TDRD15: variants seen among roughly 807,000 people sequenced by gnomAD.
The protein encoded by TDRD15 is tudor domain-containing protein 15.
For synonymous variants in TDRD15, 503 were observed against 314.5 expected (o/e 1.60, Z -6.34); for missense variants, 1,416 against 904.7 (o/e 1.57, Z -7.25).
In TDRD15 at chr2:21,142,866, T is replaced by C. The variant is rs1665963764; in HGVS notation, c.5399T>C (p.Val1800Ala). 1.4e-6 allele frequency: 1 copy of C among 709,228 alleles called. No homozygotes were observed. The highest frequency in any genetic ancestry group is 1.5e-5 in the South Asian group (1 of 65,908). 43.9% of individuals were successfully genotyped at this position (709,228 alleles called of 1,614,324 possible). Residue 1800 changes from valine (V) to alanine (A), a missense_variant, in exon 4 of 4, where the codon GTA (valine) becomes GCA (alanine). Transcript: ENST00000405799. ...AAATCGGAAGATCAGTGGAATAGAGTAGAAATTTCTGAAGTCTCACCTCAG... is the reference window on the plus strand; with the variant it reads ...AAATCGGAAGATCAGTGGAATAGAGCAGAAATTTCTGAAGTCTCACCTCAG... ...KYKSEDQWNR[V>A]EISEVSPQSL... is the part of the protein sequence containing the mutation.
rs745534068 is a variant in TDRD15 at position 21,140,173 on chromosome 2, C to T, written c.2706C>T (p.Ile902=). The stretch of plus-strand genomic sequence containing the variant: ...CTAGAGGGTTATTGACTTGTATCAT[C>T]TATGCCTTAGTTATTATACATCCAA... ...SSSRGLLTCI[I]YALVIIHPNH... Residue 902 remains isoleucine (I), a synonymous_variant, in exon 4 of 4, where the codon ATC becomes ATT. Transcript: ENST00000405799. 9 of 715,574 alleles carry T rather than the reference C, an allele frequency of 1.3e-5. No homozygotes were observed. The highest frequency in any genetic ancestry group is 2.3e-5 in the Non-Finnish European group (9 of 383,934). The allele number at this position is 715,574 out of a possible 1,614,324, so 44.3% of individuals were successfully genotyped here. A position where few individuals can be genotyped will look rare whatever the true frequency, so the allele number is the denominator to read the frequency against.
In TDRD15 at chr2:21,128,980, A is replaced by G. The variant is rs13429004; in HGVS notation, c.-90+1269A>G. Among the ~76,000 whole-genome samples the G allele has an allele frequency of 9.7e-3, 1,482 of 152,014 alleles. 36 individuals carry two copies. Among genetic ancestry groups the G allele is most frequent in the African/African-American group, 0.034 (1,428 of 41,406 alleles). ...TTGACAGAGTCTTGCTCTGTCTACC[A>G]GGCTGGAGTGCAGTGGCAGGATCTT... On this transcript the variant is annotated intron_variant, in intron 2 of 3. Transcript: ENST00000405799.
Position 21,140,858 on chromosome 2 carries a change from A to ATTTTCTCCTAC in TDRD15, c.3392_3393insTTTCTCCTACT (p.Asn1132PhefsTer4). The ATTTTCTCCTAC allele has an allele frequency of 1.4e-6, 1 of 711,788 alleles. No individual in the cohort carries two copies. Among genetic ancestry groups the ATTTTCTCCTAC allele is most frequent in the Non-Finnish European group, 2.6e-6 (1 of 382,748 alleles). 44.1% of individuals were successfully genotyped at this position (711,788 alleles called of 1,614,324 possible). A position where few individuals can be genotyped will look rare whatever the true frequency, so the allele number is the denominator to read the frequency against. ...AGAATTGTATGATGGATCTCAATATATAAATGAGAAAATTAAAGTGTTGCT... is the reference window on the plus strand; with the variant it reads ...AGAATTGTATGATGGATCTCAATATATTTTCTCCTACTAAATGAGAAAATTAAAGTGTTGCT... On this transcript the variant is annotated frameshift_variant, in exon 4 of 4. Coordinates refer to ENST00000405799, the MANE Select transcript of TDRD15 (RefSeq NM_001306137.2). LOFTEE classifies it low-confidence loss of function (END_TRUNC).
chr2:21,125,484 AGTT>A (rs991086951), intron 1 of TDRD15, among the ~76,000 whole-genome samples: 6 of 150,332 alleles, frequency 4.0e-5, no homozygotes, highest in African/African-American at 4.9e-5. Context: ...GTTGTGTGTG[AGTT>A]GTTGCGTGTG....
At position 21,141,138 on chromosome 2, in the gene TDRD15, A is replaced by C. The variant is rs1216894949; in HGVS notation, c.3671A>C (p.Lys1224Thr). The C allele has an allele frequency of 2.8e-6, 2 of 712,514 alleles. No homozygotes were observed. Among genetic ancestry groups the C allele is most frequent in the Middle Eastern group, 2.3e-4 (1 of 4,334 alleles). 44.1% of individuals were successfully genotyped at this position (712,514 alleles called of 1,614,324 possible). A position where few individuals can be genotyped will look rare whatever the true frequency, so the allele number is the denominator to read the frequency against. ...CYKMEPVSKN[K>T]MKTSLNDGLK... ...AAAATGGAACCTGTGTCAAAAAACA[A>C]AATGAAGACTTCTTTGAATGATGGG... The change falls in exon 4 of 4, where the codon AAA becomes ACA. Residue 1224 changes from lysine (K) to threonine (T), a missense_variant. By Grantham distance (78) the Lys-to-Thr change is moderately conservative. Coordinates refer to ENST00000405799, the MANE Select transcript of TDRD15 (RefSeq NM_001306137.2).
rs1454725314 is a variant in TDRD15 at position 21,142,120 on chromosome 2, A to T, written c.4653A>T (p.Lys1551Asn). The T allele has an allele frequency of 1.5e-6, 1 of 680,004 alleles. No individual in the cohort carries two copies. Among genetic ancestry groups the T allele is most frequent in the Non-Finnish European group, 2.7e-6 (1 of 375,194 alleles). The allele number at this position is 680,004 out of a possible 1,614,324, so 42.1% of individuals were successfully genotyped here. The stretch of plus-strand genomic sequence containing the variant: ...ATGTGAAGTTATCCAAAAATAAAAA[A>T]ATTTTATCAGATTTAATAGTATTAA... Reference protein sequence around the residue: ...RFYVKLSKNKKILSDLIVLIT... With the variant: ...RFYVKLSKNKNILSDLIVLIT... Residue 1551 changes from lysine (K) to asparagine (N), a missense_variant, in exon 4 of 4, where the codon AAA (lysine) becomes AAT (asparagine). By Grantham distance (94) the Lys-to-Asn change is moderately conservative. Coordinates refer to ENST00000405799, the MANE Select transcript of TDRD15 (RefSeq NM_001306137.2).
rs1354726674 is a variant in TDRD15, at chr2:21,137,785, G to A, written c.318G>A (p.Gln106=). ...RGEELRVAGP[Q]IASACGNLFE... ...AAGAACTAAGAGTTGCTGGTCCACAGATTGCTTCAGCCTGTGGCAATTTAT... is the reference window on the plus strand; with the variant it reads ...AAGAACTAAGAGTTGCTGGTCCACAAATTGCTTCAGCCTGTGGCAATTTAT... Residue 106 remains glutamine (Q), a synonymous_variant, in exon 4 of 4, where the codon CAG becomes CAA. Transcript: ENST00000405799. The A allele has an allele frequency of 1.4e-6, 1 of 716,464 alleles. No homozygotes were observed. 44.4% of individuals were successfully genotyped at this position (716,464 alleles called of 1,614,324 possible).
At chr2:21,146,610 C>A (rs1666034890), downstream of TDRD15, among the ~76,000 whole-genome samples, 2 of 152,044 alleles carry the variant, frequency 1.3e-5, no homozygotes. Flanking sequence ...CAAGAAATAT[C>A]TGTTCATTCT....
intron 2 of TDRD15, among the ~76,000 whole-genome samples, chr2:21,130,947 A>G (rs1212127603): frequency 1.3e-5 from 2 of 152,238 alleles, no homozygotes; most frequent in South Asian, 2.1e-4. Context: ...GGAGGTACTC[A>G]TAAAATCACT....
At chr2:21,137,313 G>A (rs779466625) in intron 3 of TDRD15, among the ~76,000 whole-genome samples, 152 bp from the exon 4 acceptor site, 7 of 151,442 alleles carry the variant, frequency 4.6e-5, no homozygotes, top group Non-Finnish European at 8.8e-5. Context: ...TTTCACCAGC[G>A]TCTCATTCGA....
chr2:21,140,214 T>C lies in TDRD15; in HGVS notation c.2747T>C (p.Leu916Ser), dbSNP rs563063893. 1 of 715,488 alleles carries C rather than the reference T, an allele frequency of 1.4e-6. No individual in the cohort carries two copies. The highest frequency in any genetic ancestry group is 2.7e-5 in the East Asian group (1 of 37,216). 44.3% of individuals were successfully genotyped at this position (715,488 alleles called of 1,614,324 possible). A position where few individuals can be genotyped will look rare whatever the true frequency, so the allele number is the denominator to read the frequency against. ...ATACATCCAAACCATTTATATAACTTAGTGGATTTACAGTCCTCATTTACT... is the reference window on the plus strand; with the variant it reads ...ATACATCCAAACCATTTATATAACTCAGTGGATTTACAGTCCTCATTTACT... ...VIIHPNHLYN[L>S]VDLQSSFTSA... The change falls in exon 4 of 4, where the codon TTA becomes TCA. Residue 916 changes from leucine to serine, a missense_variant. Physicochemically the swap from Leu to Ser is moderately radical, Grantham distance 145. Coordinates refer to ENST00000405799, the MANE Select transcript of TDRD15 (RefSeq NM_001306137.2).
chr2:21,126,757 TA>T (rs1369585421), intron 1 of TDRD15, among the ~76,000 whole-genome samples: 1 of 152,246 alleles, frequency 6.6e-6, no homozygotes, highest in Non-Finnish European at 1.5e-5. Flanking sequence ...CTCTTACAAG[TA>T]AACTTGCTGT....
Position 21,140,110 on chromosome 2 carries a change from A to G in TDRD15, c.2643A>G (p.Arg881=). ...GTTGTAAATTATTCAGTTGGACAAG[A>G]AAAGCATTCAGAGACTTGTGGAATT... ...PVSCKLFSWT[R]KAFRDLWNFI... The change falls in exon 4 of 4, where the codon AGA becomes AGG. Residue 881 remains arginine (R), a synonymous_variant. Coordinates refer to ENST00000405799, the MANE Select transcript of TDRD15 (RefSeq NM_001306137.2). The G allele has an allele frequency of 1.4e-6, 1 of 716,230 alleles. No homozygotes were observed. 44.4% of individuals were successfully genotyped at this position (716,230 alleles called of 1,614,324 possible). A position where few individuals can be genotyped will look rare whatever the true frequency, so the allele number is the denominator to read the frequency against.
At chr2:21,129,073 A>G (rs1019786034) in intron 2 of TDRD15, among the ~76,000 whole-genome samples, 4 of 152,052 alleles carry the variant, frequency 2.6e-5, no homozygotes, top group African/African-American at 9.7e-5. Context: ...AGTAGCTGGG[A>G]CCAGAGGTGC....
intron 3 of TDRD15, among the ~76,000 whole-genome samples, chr2:21,136,243 A>G (rs921514900): frequency 6.6e-6 from 1 of 152,046 alleles, no homozygotes; most frequent in Non-Finnish European, 1.5e-5. Flanking sequence ...GAAAACATTT[A>G]GACTTTGGTG....
At chr2:21,124,743 CGT>C (rs140124387) in intron 1 of TDRD15, among the ~76,000 whole-genome samples, 8 of 53,416 alleles carry the variant, frequency 1.5e-4, no homozygotes, top group South Asian at 7.0e-4. Flanking sequence ...GGTGTGTGTG[CGT>C]GTGTGTGTGT....
chr2:21,127,328 G>C (rs989402586), intron 1 of TDRD15, among the ~76,000 whole-genome samples: 7 of 151,978 alleles, frequency 4.6e-5, no homozygotes, highest in African/African-American at 1.7e-4. Context: ...TTGATGTATT[G>C]ATTTTGTCCC....
chr2:21,126,987 G>A (rs1026180623), intron 1 of TDRD15, among the ~76,000 whole-genome samples: 2 of 152,070 alleles, frequency 1.3e-5, no homozygotes, highest in African/African-American at 4.8e-5. Flanking sequence ...TGTTTGGTAC[G>A]GTTGCCCTTT....
intron 1 of TDRD15, among the ~76,000 whole-genome samples, chr2:21,125,258 A>G (rs181795165): frequency 7.4e-6 from 1 of 135,586 alleles, no homozygotes; most frequent in African/African-American, 2.5e-5. Context: ...TGTGAGAGAA[A>G]TCCTAGTTCT....
Sources: allele counts gnomAD v4.1 joint callset (sites outside exome capture counted in the v4.1 genomes callset), GRCh38; gene constraint gnomAD v4.1.1; transcripts MANE v1.5; gene names NCBI Gene and HGNC (gene_info 2026-07-23, HGNC 2026-07-21).